Variants in RECQL4 observed in about 807,000 individuals in gnomAD.
The protein encoded by RECQL4 is RecQ like helicase 4, also known as ATP-dependent DNA helicase Q4.
A neutral mutation model predicts 128.6 loss-of-function variants in RECQL4; 158 were observed. The observed-to-expected ratio is 1.23, with a 90% CI of 1.08 to 1.40. The LOEUF is 1.40. Among genes scored for constraint, RECQL4 ranks in the 40% most tolerant of loss-of-function variants. The pLI is 0.00. For synonymous variants in RECQL4, 996 were observed against 678.9 expected, an observed-to-expected ratio of 1.47 and a Z score of -7.26; for missense variants, 2,293 against 1,649.8, an observed-to-expected ratio of 1.39 and a Z score of -6.75.
intron 6 of RECQL4, 40 bp from the exon 7 acceptor site, chr8:144,515,497 C>A: frequency 6.2e-7 from 1 of 1,611,790 alleles, no homozygotes; most frequent in South Asian, 1.1e-5. Context: ...AGCTCCAGGT[C>A]GGGCAAGACA....
rs774320251 is a variant in RECQL4, at chr8:144,512,329, C to T, written c.3056-5G>A. The T allele has an allele frequency of 1.3e-5, 21 of 1,611,850 alleles. No individual in the cohort carries two copies. The highest frequency in any genetic ancestry group is 5.0e-5 in the Admixed American group (3 of 59,992). ...CCCCTGTCCCACGCCGCACACCTGCCGGAAAGCATGTCAGATGCAGGCAGG... is the reference window on the plus strand; with the variant it reads ...CCCCTGTCCCACGCCGCACACCTGCTGGAAAGCATGTCAGATGCAGGCAGG... On this transcript the variant is annotated splice_region_variant and splice_polypyrimidine_tract_variant and intron_variant, in intron 17 of 20. Transcript: ENST00000617875.
In RECQL4 at chr8:144,517,422, C is replaced by T. The variant is rs2130740225; in HGVS notation, c.205G>A (p.Ala69Thr). The change falls in exon 3 of 21, where the codon GCC (alanine) becomes ACC (threonine). Residue 69 changes from alanine (A) to threonine (T), a missense_variant. Ala to Thr is a moderately conservative substitution (Grantham distance 58). Transcript: ENST00000617875. Reference sequence around the variant, plus strand: ...CGGCGGGGCCTGGGTACCTCTTCGGCCGCCGCGGGGAGCGACTCGGAGCTG... The same window carrying T: ...CGGCGGGGCCTGGGTACCTCTTCGGTCGCCGCGGGGAGCGACTCGGAGCTG... ...LRSSESLPAA[A>T]EEAPEPRCWG... The T allele has an allele frequency of 6.4e-7, 1 of 1,574,458 alleles. No homozygotes were observed. The highest frequency in any genetic ancestry group is 2.3e-5 in the East Asian group (1 of 43,496).
At position 144,512,239 on chromosome 8, in the gene RECQL4, C is replaced by T. The variant is rs756604801; in HGVS notation, c.3141G>A (p.Glu1047=). The part of the protein sequence containing the change: ...LRSPGDLTAE[E]KDQICDFLYG... ...AGAGGAAGTCACATATCTGGTCCTT[C>T]TCCTCAGCGGTCAAGTCCCCCGGGC... is the stretch of plus-strand genomic sequence containing the variant. Residue 1047 remains glutamate (E), a synonymous_variant, in exon 18 of 21, where the codon GAG becomes GAA. Transcript: ENST00000617875. 1 of 1,612,352 alleles carries T rather than the reference C, an allele frequency of 6.2e-7. No individual in the cohort carries two copies. The highest frequency in any genetic ancestry group is 1.7e-5 in the Admixed American group (1 of 60,016).
At position 144,515,181 on chromosome 8, in the gene RECQL4, C is replaced by T. The variant is rs1827976765; in HGVS notation, c.1452G>A (p.Gly484=). 3 of 1,566,492 alleles carry T rather than the reference C, an allele frequency of 1.9e-6. No individual in the cohort carries two copies. In the South Asian group the frequency reaches 3.5e-5, roughly 18 times the overall value. ...GGATCCGCATGACTGCACGCTCCTG[C>T]CCAGGGCGAAAGGCTTGGTGCCCCA... ...EQLGHQAFRP[G]QERAVMRILS... is the part of the protein sequence containing the mutation. The change falls in exon 8 of 21, where the codon GGG becomes GGA. Residue 484 remains glycine, a synonymous_variant. Transcript: ENST00000617875.
At chr8:144,517,554 C>T (rs779180251) in intron 2 of RECQL4, 46 bp from the exon 3 acceptor site, 2 of 1,516,686 alleles carry the variant, frequency 1.3e-6, no homozygotes, top group Non-Finnish European at 1.8e-6. Flanking sequence ...GCCTGGGCCC[C>T]TGCCGACCCG....
At chr8:144,515,944 G>A (rs752900526) in intron 5 of RECQL4, 44 bp downstream of exon 5, 30 of 1,612,034 alleles carry the variant, frequency 1.9e-5, no homozygotes, top group Middle Eastern at 1.6e-4. Context: ...GGAGGGCTGA[G>A]GGGAGGGAAA....
chr8:144,513,330 C>T lies in RECQL4; in HGVS notation c.2351G>A (p.Arg784Gln), dbSNP rs536096413. The T allele has an allele frequency of 9.0e-5, 145 of 1,603,452 alleles. No individual in the cohort carries two copies. Among genetic ancestry groups the T allele is most frequent in the Admixed American group, 2.3e-4 (14 of 59,964 alleles). Residue 784 changes from arginine to glutamine, a missense_variant, in exon 14 of 21, where the codon CGG becomes CAG. Coordinates refer to ENST00000617875, the MANE Select transcript of RECQL4 (RefSeq NM_004260.4). The part of the protein sequence containing the change: ...FGMGLDRPDV[R>Q]AVLHLGLPPS... ...GGGCAGCCCCAGATGCAGCACAGCC[C>T]GCACATCTGGCCGGTCCAGCCCCAT...
chr8:144,513,747 TGAG>T (rs1376460673), intron 12 of RECQL4, 35 bp from the exon 13 acceptor site: 20 of 1,304,410 alleles, frequency 1.5e-5, no homozygotes, highest in South Asian at 2.8e-5. Flanking sequence ...CAGTGGGGAG[TGAG>T]GAGGGGTCGG....
In RECQL4 at chr8:144,511,475, G is replaced by A. The variant is rs1353637154; in HGVS notation, c.3583C>T (p.Leu1195=). The A allele has an allele frequency of 9.3e-6, 15 of 1,612,590 alleles. No homozygotes were observed. Among genetic ancestry groups the A allele is most frequent in the Non-Finnish European group, 1.3e-5 (15 of 1,179,794 alleles). Residue 1195 remains leucine (L), a synonymous_variant, in exon 21 of 21, where the codon CTG becomes TTG. Coordinates refer to ENST00000617875, the MANE Select transcript of RECQL4 (RefSeq NM_004260.4). Reference sequence around the variant, plus strand: ...AGCTCTTCCGTGGCCAGGCCCACCAGGGCATGGAAGCTCAGGTGCAGGTAT... The same window carrying A: ...AGCTCTTCCGTGGCCAGGCCCACCAAGGCATGGAAGCTCAGGTGCAGGTAT... ...RKYLHLSFHA[L]VGLATEELLQ...
In RECQL4 at chr8:144,512,260, C is replaced by G. The variant is rs771832340; in HGVS notation, c.3120G>C (p.Pro1040=). 3.7e-6 allele frequency: 6 copies of G among 1,612,442 alleles called. No homozygotes were observed. Among genetic ancestry groups the G allele is most frequent in the East Asian group, 2.2e-5 (1 of 44,874 alleles). Reference sequence around the variant, plus strand: ...CCTTCTCCTCAGCGGTCAAGTCCCCCGGGCTGCGAAGGTGGAAGGCCAGCT... The same window carrying G: ...CCTTCTCCTCAGCGGTCAAGTCCCCGGGGCTGCGAAGGTGGAAGGCCAGCT... ...FSELAFHLRS[P]GDLTAEEKDQ... The change falls in exon 18 of 21, where the codon CCG becomes CCC. Residue 1040 remains proline (P), a synonymous_variant. Coordinates refer to ENST00000617875, the MANE Select transcript of RECQL4 (RefSeq NM_004260.4).
chr8:144,517,607 G>C lies in RECQL4; in HGVS notation c.113C>G (p.Thr38Ser), dbSNP rs1348040384. The C allele has an allele frequency of 5.4e-6, 8 of 1,487,030 alleles. No individual in the cohort carries two copies. The highest frequency in any genetic ancestry group is 7.1e-6 in the Non-Finnish European group (8 of 1,126,744). The allele number at this position is 1,487,030 out of a possible 1,614,324, so 92.1% of individuals were successfully genotyped here. Reference protein sequence around the residue: ...QDDVEAAPEETRALYREYRTL... With the variant: ...QDDVEAAPEESRALYREYRTL... Reference sequence around the variant, plus strand: ...CCGCCCCGCCGCGCGCTCACCGCGGGTCTCCTCCGGCGCCGCCTCCACGTC... The same window carrying C: ...CCGCCCCGCCGCGCGCTCACCGCGGCTCTCCTCCGGCGCCGCCTCCACGTC... Residue 38 changes from threonine (T) to serine (S), a missense_variant, in exon 2 of 21, where the codon ACC (threonine) becomes AGC (serine). Transcript: ENST00000617875.
At position 144,512,544 on chromosome 8, in the gene RECQL4, A is replaced by G; in HGVS notation, c.2903T>C (p.Val968Ala). 6.2e-7 allele frequency: 1 copy of G among 1,612,566 alleles called. No homozygotes were observed. The highest frequency in any genetic ancestry group is 8.5e-7 in the Non-Finnish European group (1 of 1,179,798). The change falls in exon 17 of 21, where the codon GTG becomes GCG. Residue 968 changes from valine to alanine, a missense_variant. Transcript: ENST00000617875. ...CTCAGGCAGCTGCTGGGCCAAGCAC[A>G]CAGCCAAAGGGGGACACCTGTGCCC... ...ALAHRCPPLA[V>A]CLAQQLPEDP... is the part of the protein sequence containing the mutation.
At chr8:144,517,578 C>T in intron 2 of RECQL4, 24 bp downstream of exon 2, 1 of 1,478,210 alleles carries the variant, frequency 6.8e-7, no homozygotes, top group Non-Finnish European at 8.9e-7. Flanking sequence ...TCTTCTCGCC[C>T]CCGCCGCCCC....
At chr8:144,512,614 C>CA in intron 16 of RECQL4, 28 bp downstream of exon 16, 1 of 1,611,834 alleles carries the variant, frequency 6.2e-7, no homozygotes, top group African/African-American at 1.3e-5. Context: ...TCTCCAACCT[C>CA]GTCTCCAACT....
Position 144,515,848 on chromosome 8 carries a change from C to G in RECQL4, c.1174G>C (p.Gly392Arg), listed in dbSNP as rs756211147. Reference protein sequence around the residue: ...KWRKKGECFGGGGATVTTKES... With the variant: ...KWRKKGECFGRGGATVTTKES... ...TTGGTTGTGACTGTGGCACCACCACCCCCAAAACACTCCCCTTTCTTCCGC... is the reference window on the plus strand; with the variant it reads ...TTGGTTGTGACTGTGGCACCACCACGCCCAAAACACTCCCCTTTCTTCCGC... The change falls in exon 6 of 21, where the codon GGT becomes CGT. Residue 392 changes from glycine (G) to arginine (R), a missense_variant. By Grantham distance (125) the Gly-to-Arg change is moderately radical. Coordinates refer to ENST00000617875, the MANE Select transcript of RECQL4 (RefSeq NM_004260.4). 1.9e-6 allele frequency: 3 copies of G among 1,612,956 alleles called. No homozygotes were observed. Among genetic ancestry groups the G allele is most frequent in the East Asian group, 2.2e-5 (1 of 44,880 alleles).
Position 144,515,218 on chromosome 8 carries a change from GCCTGGAACA to G in RECQL4, c.1406_1414del (p.Val469_Gln471del). Reference sequence around the variant, plus strand: ...GGCTTGGTGCCCCAGCTGCTCCAGGGCCTGGAACACCTCAGCCGGCGTCTCTGCAGACAC... The same window carrying G: ...GGCTTGGTGCCCCAGCTGCTCCAGGGCCTCAGCCGGCGTCTCTGCAGACAC... On this transcript the variant is annotated inframe_deletion, in exon 8 of 21. Transcript: ENST00000617875. 1 of 1,578,520 alleles carries G rather than the reference GCCTGGAACA, an allele frequency of 6.3e-7. No individual in the cohort carries two copies. Among genetic ancestry groups the G allele is most frequent in the East Asian group, 2.3e-5 (1 of 42,700 alleles).
rs1384360858 is a variant in RECQL4, at chr8:144,512,671, GC to G, written c.2855del (p.Gly952AlafsTer92). On this transcript the variant is annotated frameshift_variant, in exon 16 of 21. Transcript: ENST00000617875. LOFTEE classifies it high-confidence loss of function. ...GGGCCAGGGCCTGGAGCTGGGCAGGGCCCCCAGGGCAGTTCAGACGGCAATG... is the reference window on the plus strand; with the variant it reads ...GGGCCAGGGCCTGGAGCTGGGCAGGGCCCCAGGGCAGTTCAGACGGCAATG... ...YTHCRLNCPG[G>X]PAQLQALAHR... The G allele has an allele frequency of 6.2e-7, 1 of 1,612,572 alleles. No individual in the cohort carries two copies.
rs1446174439 is a variant in RECQL4, at chr8:144,513,076, C to T, written c.2526G>A (p.Val842=). The part of the protein sequence containing the change: ...VHADSTDFLA[V]KRLVQRVFPA... ...GGAACACGCGCTGTACCAGCCTCTTCACAGCCAGGAAGTCCGTGCTGTCGG... is the reference window on the plus strand; with the variant it reads ...GGAACACGCGCTGTACCAGCCTCTTTACAGCCAGGAAGTCCGTGCTGTCGG... Residue 842 remains valine, a synonymous_variant, in exon 15 of 21, where the codon GTG becomes GTA. Coordinates refer to ENST00000617875, the MANE Select transcript of RECQL4 (RefSeq NM_004260.4). The T allele has an allele frequency of 6.3e-7, 1 of 1,578,446 alleles. No individual in the cohort carries two copies. Among genetic ancestry groups the T allele is most frequent in the Admixed American group, 1.8e-5 (1 of 56,366 alleles).
intron 9 of RECQL4, 83 bp from the exon 10 acceptor site, chr8:144,514,608 C>G (rs900476179): frequency 7.2e-7 from 1 of 1,382,802 alleles, no homozygotes; most frequent in Admixed American, 2.0e-5. Flanking sequence ...CTGCCATGTC[C>G]ATCCTAGTCC....
Sources: gnomAD v4.1 joint callset for allele counts on GRCh38, gnomAD v4.1.1 for gene constraint, MANE v1.5 for transcripts, NCBI Gene and HGNC (gene_info 2026-07-23, HGNC 2026-07-21) for gene names.